Variants in RNF103 observed in about 807,000 individuals in gnomAD.
The protein encoded by RNF103 is ring finger protein 103.
In RNF103, 23 loss-of-function variants were observed where a neutral mutation model predicts 66.2. That is an observed-to-expected ratio of 0.35 (90% CI 0.25 to 0.49). RNF103 has a LOEUF of 0.49. Ranked by LOEUF, RNF103 falls within the 20% of genes least tolerant of loss-of-function variation. The probability of loss-of-function intolerance (pLI) is 0.98; values close to 1 mark genes in which losing one functional copy is unlikely to be tolerated. For synonymous variants in RNF103, 297 were observed against 289.9 expected (o/e 1.02, Z -0.25); for missense variants, 730 against 814.7 (o/e 0.90, Z 1.27).
rs1241834884 is a variant in RNF103 at position 86,603,952 on chromosome 2, A to G, written c.1949T>C (p.Met650Thr). The G allele has an allele frequency of 6.2e-7, 1 of 1,614,200 alleles. No individual in the cohort carries two copies. Among genetic ancestry groups the G allele is most frequent in the African/African-American group, 1.3e-5 (1 of 75,048 alleles). The change falls in exon 4 of 4, where the codon ATG becomes ACG. Residue 650 changes from methionine (M) to threonine (T), a missense_variant. Physicochemically the swap from Met to Thr is moderately conservative, Grantham distance 81 (BLOSUM62 -1). This residue lies in a region of RNF103 where 355 missense variants were observed against 351.9 expected (regional missense o/e 1.01). Transcript: ENST00000237455. ...GHVFHQNCIVMWLAGGRHCCP... is the reference protein window; with the variant it reads ...GHVFHQNCIVTWLAGGRHCCP... ...ACAATGTCGGCCCCCAGCCAACCAC[A>G]TCACAATGCAATTCTGATGAAACAC...
At chr2:86,613,278 A>T (rs944222527) in intron 2 of RNF103, 1 of 152,204 alleles carries the variant, frequency 6.6e-6, no homozygotes, top group Non-Finnish European at 1.5e-5. Context: ...GACTTCTCTT[A>T]TAAGTGTCAG....
Position 86,623,282 on chromosome 2 carries a change from G to A in RNF103, c.-396C>T. 1.4e-5 allele frequency: 14 copies of A among 995,712 alleles called. No individual in the cohort carries two copies. The highest frequency in any genetic ancestry group is 1.7e-5 in the Non-Finnish European group (14 of 837,734). The allele number at this position is 995,712 out of a possible 1,614,324, so 61.7% of individuals were successfully genotyped here. On this transcript the variant is annotated 5_prime_UTR_variant, in exon 1 of 4. Coordinates refer to ENST00000237455, the MANE Select transcript of RNF103 (RefSeq NM_005667.4). The stretch of plus-strand genomic sequence containing the variant: ...GTGGCGGGGTCGGCCCTCCGGTGCC[G>A]CGATCTCAAGGGGGAGGGGGAGACC...
In RNF103 at chr2:86,623,345, G is replaced by C. The variant is rs1679310748; in HGVS notation, c.-459C>G. 1.0e-6 allele frequency: 1 copy of C among 984,194 alleles called. No individual in the cohort carries two copies. Among genetic ancestry groups the C allele is most frequent in the South Asian group, 4.7e-5 (1 of 21,342 alleles). The allele number at this position is 984,194 out of a possible 1,614,324, so 61.0% of individuals were successfully genotyped here. On this transcript the variant is annotated 5_prime_UTR_variant, in exon 1 of 4. Transcript: ENST00000237455. ...AGATCCGCCCAGGAGGCGGGGATCC[G>C]GGCGGCAGGCCGGGGCCCGAGGGGC...
Position 86,604,844 on chromosome 2 carries a change from A to C in RNF103, c.1057T>G (p.Phe353Val). The stretch of plus-strand genomic sequence containing the variant: ...CCTAAAGTGCTTATGAGAACCACAA[A>C]TCGCTTTATGGTAGCTCCTTGTGTA... ...FITQGATIKR[F>V]VVLISTLGTY... Residue 353 changes from phenylalanine (F) to valine (V), a missense_variant, in exon 4 of 4, where the codon TTT (phenylalanine) becomes GTT (valine). Phe to Val is a conservative substitution (Grantham distance 50). Transcript: ENST00000237455. 2 of 1,614,146 alleles carry C rather than the reference A, an allele frequency of 1.2e-6. No homozygotes were observed. Among genetic ancestry groups the C allele is most frequent in the Non-Finnish European group, 1.7e-6 (2 of 1,180,028 alleles).
At chr2:86,606,578 G>C (rs1008506710) in intron 3 of RNF103, among the ~76,000 whole-genome samples, 1 of 148,428 alleles carries the variant, frequency 6.7e-6, no homozygotes, top group Non-Finnish European at 1.5e-5. Flanking sequence ...CAGGAGAACC[G>C]CTTGAACCCG....
intron 2 of RNF103, chr2:86,618,782 A>G (rs1679116177): frequency 6.6e-6 from 1 of 152,246 alleles, no homozygotes; most frequent in Non-Finnish European, 1.5e-5. Flanking sequence ...GTCTTTCTCA[A>G]TCAGACTATT....
chr2:86,622,003 A>C (rs113427460), intron 1 of RNF103, among the ~76,000 whole-genome samples: 149 of 152,226 alleles, frequency 9.8e-4, no homozygotes, highest in African/African-American at 3.4e-3. Context: ...GAAGACAAAA[A>C]AAATTTTTCT....
intron 2 of RNF103, 31 bp from the exon 3 acceptor site, chr2:86,612,305 G>A (rs1313018744): frequency 7.5e-7 from 1 of 1,334,470 alleles, no homozygotes; most frequent in Admixed American, 1.9e-5. Flanking sequence ...AAAGAAACTT[G>A]AATTACCTAA....
At chr2:86,606,458 A>T (rs1351558585) in intron 3 of RNF103, among the ~76,000 whole-genome samples, 7 of 152,100 alleles carry the variant, frequency 4.6e-5, no homozygotes, top group South Asian at 2.1e-4. Flanking sequence ...AAGTCAGGAG[A>T]TTGAGACCAT....
rs1451129802 is a variant in RNF103, at chr2:86,614,149, A to T, written c.367-1875T>A. The stretch of plus-strand genomic sequence containing the variant: ...AAGTGGTCTTATTGAGGCAGATACA[A>T]TTTATTCAAATACTCAGACAGCTGA... On this transcript the variant is annotated intron_variant, in intron 2 of 3. Transcript: ENST00000237455. 2.0e-5 allele frequency: 3 copies of T among 152,336 alleles called. 1 individual carries two copies. The highest frequency in any genetic ancestry group is 3.4e-3 in the Middle Eastern group (1 of 294). The allele number at this position is 152,336 out of a possible 1,614,324, so 9.4% of individuals were successfully genotyped here.
At position 86,623,248 on chromosome 2, in the gene RNF103, C is replaced by A. The variant is rs966236346; in HGVS notation, c.-362G>T. The A allele has an allele frequency of 8.9e-6, 9 of 1,005,970 alleles. No individual in the cohort carries two copies. The highest frequency in any genetic ancestry group is 1.1e-5 in the Non-Finnish European group (9 of 845,074). The allele number at this position is 1,005,970 out of a possible 1,614,324, so 62.3% of individuals were successfully genotyped here. On this transcript the variant is annotated 5_prime_UTR_variant, in exon 1 of 4. Coordinates refer to ENST00000237455, the MANE Select transcript of RNF103 (RefSeq NM_005667.4). ...AGGGACGCTTCCCCCGGGGCGGGCACTGACCCAGGTGGCGGGGTCGGCCCT... is the reference window on the plus strand; with the variant it reads ...AGGGACGCTTCCCCCGGGGCGGGCAATGACCCAGGTGGCGGGGTCGGCCCT...
At chr2:86,615,538 A>ATATAAT (rs900412430) in intron 2 of RNF103, among the ~76,000 whole-genome samples, 1 of 137,258 alleles carries the variant, frequency 7.3e-6, no homozygotes, top group African/African-American at 2.6e-5. Flanking sequence ...ATATATATAT[A>ATATAAT]ATATATATAC....
At chr2:86,618,082 A>C in intron 2 of RNF103, 2 of 433,684 alleles carry the variant, frequency 4.6e-6, no homozygotes, top group South Asian at 3.2e-5. Flanking sequence ...AATACATTCT[A>C]TTTTTAAAGA....
At chr2:86,609,389 T>A (rs1483139858) in intron 3 of RNF103, among the ~76,000 whole-genome samples, 10 of 150,986 alleles carry the variant, frequency 6.6e-5, no homozygotes, top group East Asian at 5.8e-4. Flanking sequence ...CAGGTATTTT[T>A]TTTTTTTTTT....
Position 86,623,856 on chromosome 2 carries a change from G to A in RNF103, c.-970C>T, listed in dbSNP as rs1190065163. ...ATCAGCGGCGGCCGCGGCCGGAGCC[G>A]AGACATAACAACTGACGTCGCGATG... is the stretch of plus-strand genomic sequence containing the variant. On this transcript the variant is annotated 5_prime_UTR_variant, in exon 1 of 4. Transcript: ENST00000237455. 4.7e-6 allele frequency: 6 copies of A among 1,287,892 alleles called. No homozygotes were observed. The highest frequency in any genetic ancestry group is 1.1e-4 in the East Asian group (2 of 17,816). The allele number at this position is 1,287,892 out of a possible 1,614,324, so 79.8% of individuals were successfully genotyped here.
rs1300758699 is a variant in RNF103 at position 86,604,138 on chromosome 2, C to T, written c.1763G>A (p.Cys588Tyr). The part of the protein sequence containing the change: ...CANKYCQTSP[C>Y]ERKGRSYGSY... ...TCCATATGACCTCCCCTTCCTTTCA[C>T]ATGGGCTGGTCTGACAATATTTATT... The change falls in exon 4 of 4, where the codon TGT (cysteine) becomes TAT (tyrosine). Residue 588 changes from cysteine (C) to tyrosine (Y), a missense_variant. Around this residue, in one of 3 missense-constraint regions of RNF103, gnomAD observed 355 missense variants for 351.9 expected, o/e 1.01. Coordinates refer to ENST00000237455, the MANE Select transcript of RNF103 (RefSeq NM_005667.4). 3 of 1,613,420 alleles carry T rather than the reference C, an allele frequency of 1.9e-6. No homozygotes were observed. Among genetic ancestry groups the T allele is most frequent in the Non-Finnish European group, 1.7e-6 (2 of 1,180,046 alleles).
chr2:86,622,978 C>A lies in RNF103; in HGVS notation c.-92G>T. 6.9e-7 allele frequency: 1 copy of A among 1,452,178 alleles called. No homozygotes were observed. Among genetic ancestry groups the A allele is most frequent in the Non-Finnish European group, 9.1e-7 (1 of 1,103,120 alleles). 90.0% of individuals were successfully genotyped at this position (1,452,178 alleles called of 1,614,324 possible). A position where few individuals can be genotyped will look rare whatever the true frequency, so the allele number is the denominator to read the frequency against. ...GGCCGCGGCTCGGTGGCAGCTTGGG[C>A]GAGGGCCCCGTGTCCACGCGCGGGC... On this transcript the variant is annotated 5_prime_UTR_variant, in exon 1 of 4. Coordinates refer to ENST00000237455, the MANE Select transcript of RNF103 (RefSeq NM_005667.4).
intron 3 of RNF103, among the ~76,000 whole-genome samples, chr2:86,609,702 C>T (rs989352389): frequency 5.9e-5 from 9 of 151,940 alleles, no homozygotes; most frequent in African/African-American, 1.9e-4. Context: ...TCTTATACAG[C>T]AACACAAAAC....
chr2:86,608,253 A>G (rs1047449320), intron 3 of RNF103, among the ~76,000 whole-genome samples: 15 of 152,166 alleles, frequency 9.9e-5, no homozygotes, highest in African/African-American at 3.6e-4. Flanking sequence ...TTGGGAGGCC[A>G]AGGTGGGTGG....
Sources: allele counts gnomAD v4.1 joint callset (sites outside exome capture counted in the v4.1 genomes callset), GRCh38; gene constraint gnomAD v4.1.1; regional missense constraint gnomAD v4.1.1; transcripts MANE v1.5; gene names NCBI Gene and HGNC (gene_info 2026-07-23, HGNC 2026-07-21).